Variants in CNGA1 observed in about 807,000 individuals in gnomAD.
CNGA1 encodes the protein cyclic nucleotide-gated channel alpha-1.
Under a neutral mutation model 69.7 loss-of-function variants are expected in CNGA1, and 53 were observed. That is an observed-to-expected ratio of 0.76 (90% CI 0.61 to 0.96). The LOEUF (loss-of-function observed/expected upper bound fraction) is 0.96. CNGA1 is among the 40% of genes least tolerant of loss of function. The probability of loss-of-function intolerance (pLI) is 0.00; values close to 1 mark genes in which losing one functional copy is unlikely to be tolerated. For missense variants in CNGA1, 739 were observed against 811.2 expected (o/e 0.91, Z 1.08); for synonymous variants, 249 against 283.5 (o/e 0.88, Z 1.22).
At chr4:47,985,762 C>A (rs1232490078) in intron 2 of CNGA1, among the ~76,000 whole-genome samples, 1 of 151,446 alleles carries the variant, frequency 6.6e-6, no homozygotes, top group East Asian at 1.9e-4. Context: ...CTTCCCCCAC[C>A]CCCCCAAAAA....
intron 3 of CNGA1, among the ~76,000 whole-genome samples, chr4:47,975,592 C>T (rs10938517): frequency 0.11 from 17,162 of 151,980 alleles, 1,531 homozygotes; most frequent in East Asian, 0.31. Flanking sequence ...AACACCAGAG[C>T]ATGTAAGCAT....
At chr4:47,950,045 T>C in intron 5 of CNGA1, 150 bp from the exon 6 acceptor site, 1 of 708,428 alleles carries the variant, frequency 1.4e-6, no homozygotes, top group Non-Finnish European at 2.5e-6. Flanking sequence ...AAACATATTA[T>C]GAAGCATAAA....
chr4:48,015,451 T>A lies in CNGA1; in HGVS notation c.-223+1032A>T, dbSNP rs908060207. On this transcript the variant is annotated intron_variant, in intron 1 of 10. Transcript: ENST00000514170. ...AGGCCTCTGCTATGAAACTCTTAGG[T>A]AATAAAATTAATAGCACTGTTCATG... 2.0e-5 allele frequency among the ~76,000 whole-genome samples: 3 copies of A among 152,294 alleles called. No individual in the cohort carries two copies. The South Asian group carries it at 6.2e-4, about 32-fold the overall frequency.
chr4:47,971,914 A>AAAC (rs141060682), intron 3 of CNGA1, among the ~76,000 whole-genome samples: 2 of 124,854 alleles, frequency 1.6e-5, no homozygotes, highest in African/African-American at 5.7e-5. Context: ...ACAAACAAAC[A>AAAC]AACAACAACA....
chr4:47,951,347 G>A lies in CNGA1; in HGVS notation c.224+6C>T. 1.3e-6 allele frequency: 2 copies of A among 1,552,400 alleles called. No individual in the cohort carries two copies. The highest frequency in any genetic ancestry group is 2.2e-5 in the East Asian group (1 of 44,518). The stretch of plus-strand genomic sequence containing the variant: ...CAAGCACCAAGGGATGGATCATACT[G>A]CTCACCTCTGTGATGGTCCTCCCTT... On this transcript the variant is annotated splice_donor_region_variant and intron_variant, in intron 5 of 10. Transcript: ENST00000514170.
Position 47,942,590 on chromosome 4 carries a change from G to A in CNGA1, c.438-442C>T, listed in dbSNP as rs531540196. Reference sequence around the variant, plus strand: ...CATAGATCTGGGGTCCCCAACCCCCGGGCTGTGGGCCGGTACTGGTCTGTG... The same window carrying A: ...CATAGATCTGGGGTCCCCAACCCCCAGGCTGTGGGCCGGTACTGGTCTGTG... On this transcript the variant is annotated intron_variant, in intron 8 of 10. Transcript: ENST00000514170. Among the ~76,000 whole-genome samples the A allele has an allele frequency of 1.1e-4, 16 of 152,098 alleles. No individual in the cohort carries two copies. The East Asian group carries it at 2.5e-3, about 24-fold the overall frequency.
intron 3 of CNGA1, among the ~76,000 whole-genome samples, chr4:47,974,499 G>A (rs1741242601): frequency 1.3e-5 from 2 of 149,906 alleles, no homozygotes; most frequent in African/African-American, 4.9e-5. Flanking sequence ...ATAAGGTCTG[G>A]ACATTTGTGT....
intron 3 of CNGA1, among the ~76,000 whole-genome samples, chr4:47,970,548 A>G (rs984337089): frequency 2.0e-5 from 3 of 151,788 alleles, no homozygotes; most frequent in African/African-American, 7.3e-5. Context: ...GCTACTCGGG[A>G]GGCTGAGGCA....
chr4:47,961,175 A>G (rs1008360360), intron 3 of CNGA1, among the ~76,000 whole-genome samples: 4 of 152,234 alleles, frequency 2.6e-5, no homozygotes, highest in African/African-American at 9.6e-5. Flanking sequence ...AGTTTCAGGT[A>G]TTTCTTTTAA....
chr4:47,984,711 A>G (rs1237281469), intron 2 of CNGA1, among the ~76,000 whole-genome samples: 1 of 151,202 alleles, frequency 6.6e-6, no homozygotes, highest in African/African-American at 2.4e-5. Flanking sequence ...TATAATATAT[A>G]TAATTGTCCC....
chr4:47,980,679 T>C (rs905623883), intron 3 of CNGA1, among the ~76,000 whole-genome samples: 1 of 152,058 alleles, frequency 6.6e-6, no homozygotes, highest in Non-Finnish European at 1.5e-5. Context: ...TTTGCCATAT[T>C]GCCCAGGCTG....
intron 2 of CNGA1, among the ~76,000 whole-genome samples, chr4:47,987,010 T>C (rs1560306834): frequency 6.6e-6 from 1 of 152,154 alleles, no homozygotes; most frequent in Non-Finnish European, 1.5e-5. Flanking sequence ...TTGAGTTGTG[T>C]TGTGTTGTGT....
At chr4:47,997,262 G>A (rs1466784444) in intron 2 of CNGA1, among the ~76,000 whole-genome samples, 4 of 152,082 alleles carry the variant, frequency 2.6e-5, no homozygotes, top group Non-Finnish European at 5.9e-5. Flanking sequence ...TGTTGCTGCT[G>A]CCACTTCTTC....
chr4:47,951,385 A>G lies in CNGA1; in HGVS notation c.192T>C (p.Tyr64=). The G allele has an allele frequency of 2.5e-6, 4 of 1,613,128 alleles. No individual in the cohort carries two copies. Among genetic ancestry groups the G allele is most frequent in the Non-Finnish European group, 3.4e-6 (4 of 1,179,130 alleles). The change falls in exon 5 of 11, where the codon TAT becomes TAC. Residue 64 remains tyrosine, a synonymous_variant. Coordinates refer to ENST00000514170, the MANE Select transcript of CNGA1 (RefSeq NM_001379270.1). ...ENPHARGSFS[Y]KSLRKGGPSQ... ...ATGGTCCTCCCTTTCTGAGTGACTT[A>G]TAACTAAAGGAACCCCTTGCATGAG...
chr4:48,016,531 T>A lies in CNGA1; in HGVS notation c.-271A>T, dbSNP rs1715391066. 2.2e-6 allele frequency: 1 copy of A among 446,966 alleles called. No homozygotes were observed. Among genetic ancestry groups the A allele is most frequent in the Non-Finnish European group, 3.9e-6 (1 of 253,364 alleles). 27.7% of individuals were successfully genotyped at this position (446,966 alleles called of 1,614,324 possible). ...AGACGCTGTTGCTCTATGAGGCGTG[T>A]CTGTGTTTCTCTAGTTCGCGGCTCC... On this transcript the variant is annotated 5_prime_UTR_variant, in exon 1 of 11. Transcript: ENST00000514170.
At chr4:47,974,817 T>A (rs183142784) in intron 3 of CNGA1, among the ~76,000 whole-genome samples, 1 of 151,964 alleles carries the variant, frequency 6.6e-6, no homozygotes, top group Admixed American at 6.6e-5. Context: ...AAAATAGCAA[T>A]CGCTTCTTCC....
rs557152198 is a variant in CNGA1 at position 47,953,889 on chromosome 4, ACTCGGGCCTTATGCC to A, written c.-14-1201_-14-1187del. Among the ~76,000 whole-genome samples the A allele has an allele frequency of 2.0e-4, 31 of 151,256 alleles. No homozygotes were observed. In the South Asian group the frequency reaches 6.5e-3, roughly 32 times the overall value. ...GTGGGGTCCCCGGCGAGGGCTCCAC[ACTCGGGCCTTATGCC>A]CTCGGACCTTATGCCCTCGGACCTA... is the stretch of plus-strand genomic sequence containing the variant. On this transcript the variant is annotated intron_variant, in intron 3 of 10. Transcript: ENST00000514170.
At chr4:47,985,765 C>T (rs79564716) in intron 2 of CNGA1, among the ~76,000 whole-genome samples, 3,153 of 151,758 alleles carry the variant, frequency 0.021, 136 homozygotes, top group African/African-American at 0.073. Flanking sequence ...CCCCCACCCC[C>T]CCAAAAAAAA....
At chr4:47,990,118 T>C (rs1742192124) in intron 2 of CNGA1, among the ~76,000 whole-genome samples, 1 of 152,074 alleles carries the variant, frequency 6.6e-6, no homozygotes, top group African/African-American at 2.4e-5. Context: ...ACATGGGTGT[T>C]TGAACAATAT....
Sources: gnomAD v4.1 joint callset for allele counts (sites outside exome capture counted in the v4.1 genomes callset) on GRCh38, gnomAD v4.1.1 for gene constraint, MANE v1.5 for transcripts, NCBI Gene and HGNC (gene_info 2026-07-23, HGNC 2026-07-21) for gene names.